The following MALRD1 variants were observed in gnomAD, a reference collection of about 807,000 sequenced individuals.
The protein encoded by MALRD1 is MAM and LDL receptor class A domain containing 1.
MALRD1 carries 247 observed loss-of-function variants against 242.1 expected under a neutral mutation model. The ratio of observed to expected loss-of-function variants is 1.02; its 90% CI spans 0.92 to 1.13. The LOEUF (loss-of-function observed/expected upper bound fraction) is 1.13, where lower values mean the gene tolerates loss of function less well. Among genes scored for constraint, MALRD1 ranks in the 50% most tolerant of loss-of-function variants. The pLI is 0.00. For synonymous variants in MALRD1, 995 were observed against 866.6 expected (o/e 1.15, Z -2.60); for missense variants, 2,989 against 2,533.1 (o/e 1.18, Z -3.86).
intron 5 of MALRD1, among the ~76,000 whole-genome samples, chr10:19,118,333 T>C (rs1336545969): frequency 6.6e-6 from 1 of 152,140 alleles, no homozygotes; most frequent in Non-Finnish European, 1.5e-5. Flanking sequence ...CCCAAGGTGG[T>C]TGGGCTACAA....
At chr10:19,647,250 A>T (rs555956310) in intron 36 of MALRD1, among the ~76,000 whole-genome samples, 1 of 152,214 alleles carries the variant, frequency 6.6e-6, no homozygotes, top group African/African-American at 2.4e-5. Flanking sequence ...ATCTTTAGAT[A>T]GCAATGTTTT....
At position 19,400,184 on chromosome 10, in the gene MALRD1, G is replaced by A. The variant is rs142455566; in HGVS notation, c.4845+10575G>A. 3.3e-3 allele frequency among the ~76,000 whole-genome samples: 509 copies of A among 152,284 alleles called. 4 individuals are homozygous for A. Among genetic ancestry groups the A allele is most frequent in the African/African-American group, 0.012 (491 of 41,556 alleles). ...TGGCAAAAAGCAACGGTATGGCATG[G>A]ATTCTTTCTATCAGAAGTTGTAAGA... On this transcript the variant is annotated intron_variant, in intron 28 of 39. Coordinates refer to ENST00000454679, the MANE Select transcript of MALRD1 (RefSeq NM_001142308.3).
chr10:19,165,281 T>TTTTG (rs1564435286), intron 12 of MALRD1, among the ~76,000 whole-genome samples: 2 of 95,676 alleles, frequency 2.1e-5, no homozygotes, highest in South Asian at 4.1e-4. Flanking sequence ...TTTTGTTTTG[T>TTTTG]TTTTGTTTTG....
At chr10:19,592,894 T>C (rs1212544526) in intron 33 of MALRD1, among the ~76,000 whole-genome samples, 1 of 151,952 alleles carries the variant, frequency 6.6e-6, no homozygotes, top group African/African-American at 2.4e-5. Flanking sequence ...AGCTAAGTCA[T>C]AGATGTATTA....
chr10:19,490,491 A>G (rs1027081630), intron 29 of MALRD1, among the ~76,000 whole-genome samples: 6 of 77,494 alleles, frequency 7.7e-5, no homozygotes, highest in Non-Finnish European at 1.5e-4. Flanking sequence ...TGTAAACAGA[A>G]GAAGCCAAGT....
At chr10:19,214,571 C>T (rs534967994) in intron 18 of MALRD1, among the ~76,000 whole-genome samples, 5 of 152,200 alleles carry the variant, frequency 3.3e-5, no homozygotes, top group South Asian at 4.1e-4. Flanking sequence ...TGCAAGTGCT[C>T]ATTTGTATGG....
chr10:19,708,925 A>G lies in MALRD1; in HGVS notation c.6314+16371A>G, dbSNP rs1350834034. On this transcript the variant is annotated intron_variant, in intron 38 of 39. Transcript: ENST00000454679. Reference sequence around the variant, plus strand: ...TGATCTGCCCGCCTCGGCCTCCCAAAGTGCTGGGATTACAGGCATGAGCCA... The same window carrying G: ...TGATCTGCCCGCCTCGGCCTCCCAAGGTGCTGGGATTACAGGCATGAGCCA... Among the ~76,000 whole-genome samples, 4 of 122,174 alleles carry G rather than the reference A, an allele frequency of 3.3e-5. 2 individuals are homozygous for G. Among genetic ancestry groups the G allele is most frequent in the Non-Finnish European group, 7.5e-5 (4 of 53,232 alleles). 80.2% of individuals were successfully genotyped at this position (122,174 alleles called of 152,430 possible).
intron 31 of MALRD1, among the ~76,000 whole-genome samples, chr10:19,500,159 A>G (rs908605213): frequency 6.6e-5 from 10 of 152,092 alleles, no homozygotes; most frequent in Non-Finnish European, 1.5e-4. Context: ...TCCTCCTTGA[A>G]TTTTTGGAAT....
chr10:19,711,532 C>T (rs142364789), intron 38 of MALRD1, among the ~76,000 whole-genome samples: 7 of 152,264 alleles, frequency 4.6e-5, no homozygotes, highest in African/African-American at 1.7e-4. Flanking sequence ...AAAGGAGAGA[C>T]AGTCTTTGGT....
intron 29 of MALRD1, among the ~76,000 whole-genome samples, chr10:19,487,707 G>A (rs1332926): frequency 0.63 from 96,404 of 151,926 alleles, 31,083 homozygotes; most frequent in East Asian, 0.89. Context: ...GTAAATTCTC[G>A]CTAGTGTTAA....
intron 5 of MALRD1, among the ~76,000 whole-genome samples, chr10:19,110,153 A>C (rs1230239501): frequency 6.6e-6 from 1 of 151,990 alleles, no homozygotes; most frequent in African/African-American, 2.4e-5. Context: ...TTGTTTATTC[A>C]TTGTTTTAGT....
chr10:19,354,487 T>A (rs1219691676), intron 26 of MALRD1, among the ~76,000 whole-genome samples: 2 of 152,092 alleles, frequency 1.3e-5, no homozygotes, highest in African/African-American at 4.8e-5. Flanking sequence ...CTAACTGTAT[T>A]TTTGTACCCA....
intron 32 of MALRD1, among the ~76,000 whole-genome samples, chr10:19,549,235 A>G (rs1835378012): frequency 6.6e-6 from 1 of 152,228 alleles, no homozygotes; most frequent in Non-Finnish European, 1.5e-5. Context: ...CCTGCTTAAC[A>G]TAAAAGTGCA....
At chr10:19,250,776 G>A (rs1839261205) in intron 18 of MALRD1, among the ~76,000 whole-genome samples, 1 of 151,770 alleles carries the variant, frequency 6.6e-6, no homozygotes, top group African/African-American at 2.4e-5. Flanking sequence ...CATTTGTTTA[G>A]ATTCCAAAGT....
intron 12 of MALRD1, among the ~76,000 whole-genome samples, chr10:19,162,480 T>C (rs1425232404): frequency 6.6e-6 from 1 of 152,182 alleles, no homozygotes; most frequent in African/African-American, 2.4e-5. Flanking sequence ...TAAGGTTTAG[T>C]GTTCTGCTAC....
chr10:19,072,522 G>C (rs7090216), intron 2 of MALRD1, among the ~76,000 whole-genome samples: 81,315 of 151,880 alleles, frequency 0.54, 21,883 homozygotes, highest in Middle Eastern at 0.61. Flanking sequence ...AGGTGGATTT[G>C]TCTGTGGGTT....
chr10:19,257,746 A>T lies in MALRD1; in HGVS notation c.3054A>T (p.Ser1018=). ...FTGDIAIDDL[S]FMDCTLYPGN... is the part of the protein sequence containing the mutation. ...GAGATATTGCGATTGATGATCTGTC[A>T]TTTATGGACTGCACCCTCTACCCTG... Residue 1018 remains serine (S), a synonymous_variant, in exon 19 of 40, where the codon TCA becomes TCT. Coordinates refer to ENST00000454679, the MANE Select transcript of MALRD1 (RefSeq NM_001142308.3). The T allele has an allele frequency of 1.9e-6, 3 of 1,540,646 alleles. No homozygotes were observed. Among genetic ancestry groups the T allele is most frequent in the Non-Finnish European group, 2.6e-6 (3 of 1,141,132 alleles).
At chr10:19,655,497 T>C (rs1484965079) in intron 36 of MALRD1, among the ~76,000 whole-genome samples, 1 of 147,392 alleles carries the variant, frequency 6.8e-6, no homozygotes, top group African/African-American at 2.5e-5. Flanking sequence ...TGTGTACATA[T>C]ATATGTGTGT....
At chr10:19,053,352 A>T (rs1260972607) in intron 1 of MALRD1, among the ~76,000 whole-genome samples, 2 of 152,174 alleles carry the variant, frequency 1.3e-5, no homozygotes, top group African/African-American at 4.8e-5. Flanking sequence ...CTAGTTTGGA[A>T]TCTGACAACT....
Sources: gnomAD v4.1 joint callset for allele counts (sites outside exome capture counted in the v4.1 genomes callset) on GRCh38, gnomAD v4.1.1 for gene constraint, MANE v1.5 for transcripts, NCBI Gene and HGNC (gene_info 2026-07-23, HGNC 2026-07-21) for gene names.